POLR3B: variants seen among roughly 807,000 people sequenced by gnomAD.
POLR3B encodes the protein DNA-directed RNA polymerase III subunit RPC2.
A neutral mutation model predicts 147.4 loss-of-function variants in POLR3B; 96 were observed. The observed-to-expected ratio is 0.65, with a 90% CI of 0.55 to 0.77. POLR3B has a LOEUF of 0.77. Among genes scored for constraint, POLR3B ranks in the 30% least tolerant of loss-of-function variants. The probability of loss-of-function intolerance (pLI) is 0.00; values close to 1 mark genes in which losing one functional copy is unlikely to be tolerated. For synonymous variants in POLR3B, 461 were observed against 485.9 expected, an observed-to-expected ratio of 0.95 and a Z score of 0.67; for missense variants, 1,036 against 1,413.5, an observed-to-expected ratio of 0.73 and a Z score of 4.28.
At chr12:106,379,999 A>G (rs1228254828) in intron 8 of POLR3B, 32 bp from the exon 9 acceptor site, 3 of 1,263,594 alleles carry the variant, frequency 2.4e-6, no homozygotes, top group Non-Finnish European at 3.5e-6. Flanking sequence ...CTAAGTGGGG[A>G]TGCAGTTTAA....
intron 19 of POLR3B, among the ~76,000 whole-genome samples, chr12:106,447,337 G>C (rs187390022): frequency 2.3e-3 from 357 of 152,252 alleles, no homozygotes; most frequent in Non-Finnish European, 3.1e-3. Context: ...ACAAACCACA[G>C]AGATGGAAAG....
intron 9 of POLR3B, among the ~76,000 whole-genome samples, chr12:106,391,147 C>A (rs1308378958): frequency 6.6e-6 from 1 of 152,172 alleles, no homozygotes; most frequent in Non-Finnish European, 1.5e-5. Flanking sequence ...ATAACTCACC[C>A]CCATGGCAGT....
At chr12:106,456,370 T>C (rs966083883) in intron 20 of POLR3B, among the ~76,000 whole-genome samples, 3 of 152,202 alleles carry the variant, frequency 2.0e-5, no homozygotes, top group African/African-American at 7.2e-5. Context: ...TTTTTCTTGA[T>C]GTTTAGATTG....
chr12:106,503,076 G>A (rs1230182375), intron 26 of POLR3B, among the ~76,000 whole-genome samples: 1 of 152,206 alleles, frequency 6.6e-6, no homozygotes, highest in Non-Finnish European at 1.5e-5. Context: ...GACCTCAAGT[G>A]AAGGGAGCAA....
intron 10 of POLR3B, among the ~76,000 whole-genome samples, chr12:106,402,985 T>C (rs1294702647): frequency 6.6e-6 from 1 of 152,020 alleles, no homozygotes; most frequent in Non-Finnish European, 1.5e-5. Context: ...AAAGAGCTTC[T>C]GCACAGCAAA....
chr12:106,433,912 C>G (rs754883256), intron 16 of POLR3B, 40 bp downstream of exon 16: 2 of 1,524,432 alleles, frequency 1.3e-6, no homozygotes, highest in Admixed American at 3.4e-5. Context: ...TTAAGAATCT[C>G]TTTATATTTG....
intron 23 of POLR3B, among the ~76,000 whole-genome samples, chr12:106,470,120 C>T (rs572658142): frequency 9.2e-5 from 14 of 152,126 alleles, no homozygotes; most frequent in East Asian, 1.9e-4. Context: ...TTCACGTAGT[C>T]GCATATTTCT....
chr12:106,495,822 G>T (rs369372102), intron 23 of POLR3B: 81 of 646,174 alleles, frequency 1.3e-4, no homozygotes, highest in East Asian at 8.4e-4. Context: ...ACCATTGTGT[G>T]CTATGCCGGC....
intron 27 of POLR3B, among the ~76,000 whole-genome samples, chr12:106,505,826 C>T (rs1283950081): frequency 2.6e-5 from 4 of 152,192 alleles, no homozygotes; most frequent in African/African-American, 9.7e-5. Flanking sequence ...CCAGACAGAG[C>T]CTCAACTTCT....
At chr12:106,367,073 A>G (rs1401225287) in intron 4 of POLR3B, among the ~76,000 whole-genome samples, 2 of 152,228 alleles carry the variant, frequency 1.3e-5, no homozygotes, top group Non-Finnish European at 2.9e-5. Flanking sequence ...ACTGCACTCT[A>G]TCTTTTACAG....
At chr12:106,376,245 T>TG (rs2136896964) in intron 6 of POLR3B, 114 bp from the exon 7 acceptor site, 11 of 739,752 alleles carry the variant, frequency 1.5e-5, no homozygotes, top group South Asian at 1.5e-4. Context: ...TTTTCTAACA[T>TG]GGTGCATAGA....
chr12:106,367,509 A>G (rs1285859566), intron 4 of POLR3B, among the ~76,000 whole-genome samples: 3 of 152,144 alleles, frequency 2.0e-5, no homozygotes, highest in African/African-American at 4.8e-5. Context: ...AGTCTCCTCA[A>G]TCTTTCTTGG....
intron 1 of POLR3B, chr12:106,358,267 T>C: frequency 3.8e-6 from 5 of 1,312,052 alleles, no homozygotes; most frequent in South Asian, 1.5e-5. Flanking sequence ...GTGGGGGACG[T>C]ATTGCATGTT....
rs2037877963 is a variant in POLR3B, at chr12:106,457,298, TA to T, written c.2452+6del. On this transcript the variant is annotated splice_donor_region_variant and intron_variant, in intron 21 of 27. Coordinates refer to ENST00000228347, the MANE Select transcript of POLR3B (RefSeq NM_018082.6). ...ATGCAGATGGTATTTGTTCTCCAGG[TA>T]AAAGCCTTTTAAAAGAAAAAATTTT... 6.2e-7 allele frequency: 1 copy of T among 1,612,192 alleles called. No individual in the cohort carries two copies.
At chr12:106,423,166 G>A (rs1300060485) in intron 12 of POLR3B, among the ~76,000 whole-genome samples, 10 of 152,016 alleles carry the variant, frequency 6.6e-5, no homozygotes, top group African/African-American at 2.4e-4. Context: ...TCAGTAGAAG[G>A]CAATCTTGTT....
chr12:106,398,039 C>A (rs1402355033), intron 10 of POLR3B, among the ~76,000 whole-genome samples: 2 of 152,244 alleles, frequency 1.3e-5, no homozygotes, highest in African/African-American at 4.8e-5. Context: ...CGACGCATCA[C>A]CTCACCCAGG....
intron 1 of POLR3B, 50 bp downstream of exon 1, chr12:106,358,001 G>T: frequency 6.2e-7 from 1 of 1,601,304 alleles, no homozygotes; most frequent in South Asian, 1.1e-5. Flanking sequence ...GCGCCCTGAG[G>T]GGGCGTTGCC....
chr12:106,417,752 G>T (rs1484610538), intron 12 of POLR3B, among the ~76,000 whole-genome samples: 1 of 151,978 alleles, frequency 6.6e-6, no homozygotes, highest in Non-Finnish European at 1.5e-5. Context: ...ATTGTGCAAG[G>T]AATTATGGGT....
intron 12 of POLR3B, among the ~76,000 whole-genome samples, chr12:106,416,853 C>T (rs956866173): frequency 1.2e-4 from 18 of 152,056 alleles, no homozygotes; most frequent in African/African-American, 4.1e-4. Context: ...CTTACATCTT[C>T]TCAAACATAC....
Sources: gnomAD v4.1 joint callset for allele counts (sites outside exome capture counted in the v4.1 genomes callset) on GRCh38, gnomAD v4.1.1 for gene constraint, MANE v1.5 for transcripts, NCBI Gene and HGNC (gene_info 2026-07-23, HGNC 2026-07-21) for gene names.